EIF3A: variants seen among roughly 807,000 people sequenced by gnomAD.
EIF3A encodes EIF3, p180 subunit.
A neutral mutation model predicts 186.6 loss-of-function variants in EIF3A; 21 were observed. The ratio of observed to expected loss-of-function variants is 0.11; its 90% CI spans 0.08 to 0.16. The LOEUF (loss-of-function observed/expected upper bound fraction) is 0.16, where lower values mean the gene tolerates loss of function less well. Among genes scored for constraint, EIF3A ranks in the 10% least tolerant of loss-of-function variants. The probability of loss-of-function intolerance (pLI) is 1.00; values close to 1 mark genes in which losing one functional copy is unlikely to be tolerated. For missense variants in EIF3A, 1,306 were observed against 1,796.3 expected (o/e 0.73, Z 4.93); for synonymous variants, 563 against 584.3 (o/e 0.96, Z 0.52).
chr10:119,037,759 T>C lies in EIF3A; in HGVS notation c.3729-450A>G, dbSNP rs569454991. On this transcript the variant is annotated intron_variant, in intron 20 of 21. Transcript: ENST00000369144. ...TAAAATCAAAGGGCTTTTGATAATT[T>C]AAGGGCAAGAAAACTGACTGCCCTA... Among the ~76,000 whole-genome samples the C allele has an allele frequency of 2.2e-3, 334 of 152,240 alleles. 2 individuals carry two copies. Among genetic ancestry groups the C allele is most frequent in the Middle Eastern group, 0.017 (5 of 294 alleles).
chr10:119,079,455 A>G (rs1564763905), intron 1 of EIF3A, among the ~76,000 whole-genome samples: 4 of 152,260 alleles, frequency 2.6e-5, no homozygotes, highest in Admixed American at 2.6e-4. Flanking sequence ...CTCTCCAAAC[A>G]TAAAACTGTA....
At chr10:119,057,892 G>A in intron 12 of EIF3A, 64 bp downstream of exon 12, 1 of 1,280,890 alleles carries the variant, frequency 7.8e-7, no homozygotes. Context: ...GTAAAGGACT[G>A]TGGTTCTAAG....
intron 14 of EIF3A, among the ~76,000 whole-genome samples, chr10:119,053,729 T>A (rs1042571515): frequency 5.3e-5 from 8 of 152,020 alleles, no homozygotes; most frequent in African/African-American, 1.9e-4. Context: ...CTCAAAAAAG[T>A]AAGAAAGTCT....
chr10:119,066,749 T>C (rs2119819875), intron 6 of EIF3A, among the ~76,000 whole-genome samples: 1 of 152,170 alleles, frequency 6.6e-6, no homozygotes. Flanking sequence ...CCCTTCGCCA[T>C]TTCCAAGACT....
chr10:119,054,893 TGTTA>T (rs1256181245), intron 14 of EIF3A, among the ~76,000 whole-genome samples: 1 of 152,218 alleles, frequency 6.6e-6, no homozygotes, highest in East Asian at 1.9e-4. Context: ...ATTGTGGAAT[TGTTA>T]ATTAGCCTAA....
At chr10:119,049,120 C>G (rs757530138) in intron 17 of EIF3A, among the ~76,000 whole-genome samples, 22 of 152,124 alleles carry the variant, frequency 1.4e-4, no homozygotes, top group Non-Finnish European at 2.6e-4. Flanking sequence ...ATTCTTCCCC[C>G]CTTAGGTGCC....
rs1844254157 is a variant in EIF3A at position 119,080,800 on chromosome 10, C to G, written c.-124G>C. 3 of 1,424,446 alleles carry G rather than the reference C, an allele frequency of 2.1e-6. No individual in the cohort carries two copies. Among genetic ancestry groups the G allele is most frequent in the Non-Finnish European group, 2.8e-6 (3 of 1,086,340 alleles). The allele number at this position is 1,424,446 out of a possible 1,614,324, so 88.2% of individuals were successfully genotyped here. A position where few individuals can be genotyped will look rare whatever the true frequency, so the allele number is the denominator to read the frequency against. On this transcript the variant is annotated 5_prime_UTR_variant, in exon 1 of 22. Transcript: ENST00000369144. ...TCGCCAGCAGTCGCCCGCGCCCAGC[C>G]GGCCAGAGACGGAAAGGAAGGAGCC...
intron 7 of EIF3A, among the ~76,000 whole-genome samples, chr10:119,062,204 G>GA (rs879715758): frequency 2.4e-3 from 354 of 146,102 alleles, no homozygotes; most frequent in Admixed American, 3.5e-3. Context: ...GCCTTTAAGA[G>GA]AAAAAAAAAA....
chr10:119,036,190 G>A lies in EIF3A; in HGVS notation c.3998C>T (p.Pro1333Leu), dbSNP rs373800925. 3.7e-6 allele frequency: 6 copies of A among 1,613,368 alleles called. No homozygotes were observed. The highest frequency in any genetic ancestry group is 5.1e-6 in the Non-Finnish European group (6 of 1,179,888). The change falls in exon 22 of 22, where the codon CCA becomes CTA. Residue 1333 changes from proline to leucine, a missense_variant. Physicochemically the swap from Pro to Leu is moderately conservative, Grantham distance 98. Around this residue, in one of 8 missense-constraint regions of EIF3A, gnomAD observed 331 missense variants for 365.8 expected, o/e 0.90. Transcript: ENST00000369144. ...ERDPPRRVPP[P>L]ALSRDRERDR... ...TCTTTCTCGGTCTCTTGAAAGAGCTGGGGGAGGAACTCGACGAGGAGGGTC... is the reference window on the plus strand; with the variant it reads ...TCTTTCTCGGTCTCTTGAAAGAGCTAGGGGAGGAACTCGACGAGGAGGGTC...
At chr10:119,068,888 G>A (rs765706860) in intron 6 of EIF3A, among the ~76,000 whole-genome samples, 4 of 143,342 alleles carry the variant, frequency 2.8e-5, no homozygotes, top group South Asian at 2.1e-4. Context: ...CAGGAGAATC[G>A]CTTGAACCCA....
intron 17 of EIF3A, among the ~76,000 whole-genome samples, chr10:119,049,578 TA>T (rs1476469047): frequency 2.0e-5 from 3 of 147,194 alleles, no homozygotes; most frequent in Non-Finnish European, 4.5e-5. Flanking sequence ...AACTGGGTGA[TA>T]AAAATACATC....
Position 119,034,797 on chromosome 10 carries a change from GCA to G in EIF3A, c.*1240_*1241del, listed in dbSNP as rs879643656. 4.1e-4 allele frequency: 63 copies of G among 152,272 alleles called. No homozygotes were observed. Among genetic ancestry groups the G allele is most frequent in the African/African-American group, 1.4e-3 (57 of 41,558 alleles). The allele number at this position is 152,272 out of a possible 1,614,324, so 9.4% of individuals were successfully genotyped here. A position where few individuals can be genotyped will look rare whatever the true frequency, so the allele number is the denominator to read the frequency against. ...AAGGTGGTACTTCAAACACGCACAT[GCA>G]CACACAAACTCAGAGGACAGCGTTA... is the stretch of plus-strand genomic sequence containing the variant. On this transcript the variant is annotated 3_prime_UTR_variant, in exon 22 of 22. Transcript: ENST00000369144.
At chr10:119,080,318 G>A in intron 1 of EIF3A, 1 of 985,434 alleles carries the variant, frequency 1.0e-6, no homozygotes, top group South Asian at 4.7e-5. Context: ...GACGCAGGCA[G>A]CAAGGAGGGA....
rs756368951 is a variant in EIF3A, at chr10:119,042,622, T to G, written c.2898A>C (p.Arg966Ser). The part of the protein sequence containing the change: ...RVPRRGMDDD[R>S]GPRRGPEEDR... ...CTTCCTCAGGACCACGTCTAGGGCCTCTGTCATCATCCATGCCACGCCGGG... is the reference window on the plus strand; with the variant it reads ...CTTCCTCAGGACCACGTCTAGGGCCGCTGTCATCATCCATGCCACGCCGGG... Residue 966 changes from arginine to serine, a missense_variant, in exon 19 of 22, where the codon AGA becomes AGC. This residue lies in a region of EIF3A where 410 missense variants were observed against 473.5 expected (regional missense o/e 0.87). Coordinates refer to ENST00000369144, the MANE Select transcript of EIF3A (RefSeq NM_003750.4). This position sits in a 1 kb window ranked among gnomAD's most constrained non-coding sequence, Gnocchi z 7.8. 1.3e-4 allele frequency: 209 copies of G among 1,613,496 alleles called. No individual in the cohort carries two copies. Among genetic ancestry groups the G allele is most frequent in the Admixed American group, 1.8e-4 (11 of 59,968 alleles).
chr10:119,072,614 G>A (rs1005328969), intron 4 of EIF3A, among the ~76,000 whole-genome samples: 3 of 151,986 alleles, frequency 2.0e-5, no homozygotes, highest in South Asian at 2.1e-4. Context: ...CACCACGCCC[G>A]GCTAAATTTT....
At chr10:119,074,942 G>A (rs66483229) in intron 1 of EIF3A, among the ~76,000 whole-genome samples, 63,512 of 82,736 alleles carry the variant, frequency 0.77, 27,691 homozygotes, top group Non-Finnish European at 0.96. Flanking sequence ...AAAAAAAAAA[G>A]GGAAAAAAAT....
chr10:119,080,514 C>T, intron 1 of EIF3A, 114 bp downstream of exon 1: 2 of 1,412,308 alleles, frequency 1.4e-6, no homozygotes, highest in East Asian at 2.9e-5. Flanking sequence ...CAGGCCGCAT[C>T]GGTCTCCTCT....
At position 119,057,256 on chromosome 10, in the gene EIF3A, C is replaced by T. The variant is rs115698830; in HGVS notation, c.1978-216G>A. On this transcript the variant is annotated intron_variant, in intron 12 of 21. Transcript: ENST00000369144. ...CTTTTCTCACTACTCCAACCTACAT[C>T]TACCCAGACTCTACTAAATAGGGTA... Among the ~76,000 whole-genome samples the T allele has an allele frequency of 2.7e-3, 411 of 152,302 alleles. 2 individuals are homozygous for T. Among genetic ancestry groups the T allele is most frequent in the African/African-American group, 9.5e-3 (396 of 41,574 alleles).
chr10:119,059,137 T>G (rs1457629542), intron 11 of EIF3A, 75 bp downstream of exon 11: 3 of 1,219,720 alleles, frequency 2.5e-6, no homozygotes, highest in Non-Finnish European at 3.5e-6. Flanking sequence ...TCTCAAACCT[T>G]TTTGTAAAAG....
Sources: gnomAD v4.1 joint callset for allele counts (sites outside exome capture counted in the v4.1 genomes callset) on GRCh38, gnomAD v4.1.1 for gene constraint, gnomAD v4.1.1 regional missense constraint, Gnocchi (gnomAD v3.1) non-coding constraint, MANE v1.5 for transcripts, NCBI Gene and HGNC (gene_info 2026-07-23, HGNC 2026-07-21) for gene names.